The following PIK3C3 variants were observed in gnomAD, a reference collection of about 807,000 sequenced individuals.
PIK3C3 encodes phosphatidylinositol 3-kinase catalytic subunit type 3, also known as PI3-kinase type 3.
Under a neutral mutation model 126.1 loss-of-function variants are expected in PIK3C3, and 95 were observed. That is an observed-to-expected ratio of 0.75 (90% CI 0.64 to 0.89). PIK3C3 has a LOEUF of 0.89. PIK3C3 is among the 40% of genes least tolerant of loss of function. PIK3C3 has a pLI of 0.00. For synonymous variants in PIK3C3, 374 were observed against 360.0 expected (o/e 1.04, Z -0.44); for missense variants, 829 against 1,063.2 (o/e 0.78, Z 3.06).
At chr18:42,050,148 A>G (rs992552520) in intron 21 of PIK3C3, 1 of 152,290 alleles carries the variant, frequency 6.6e-6, no homozygotes, top group African/African-American at 2.4e-5. Flanking sequence ...GTACTGGAAA[A>G]TGCCTCTTTT....
At chr18:41,966,173 G>GT (rs956378292) in intron 3 of PIK3C3, among the ~76,000 whole-genome samples, 2 of 125,196 alleles carry the variant, frequency 1.6e-5, no homozygotes, top group African/African-American at 6.3e-5. Context: ...TAAGTATATT[G>GT]TTCCTTTTTT....
rs1483577287 is a variant in PIK3C3 at position 42,086,733 on chromosome 18, C to G, written c.*5596C>G. 6.6e-6 allele frequency: 1 copy of G among 152,186 alleles called. No homozygotes were observed. Among genetic ancestry groups the G allele is most frequent in the African/African-American group, 2.4e-5 (1 of 41,442 alleles). The allele number at this position is 152,186 out of a possible 1,614,324, so 9.4% of individuals were successfully genotyped here. A position where few individuals can be genotyped will look rare whatever the true frequency, so the allele number is the denominator to read the frequency against. ...TATATGGTCTAAAAAGGGGAGGAACCCTCAGTTCTGAGAATTTCCTTGAAA... is the reference window on the plus strand; with the variant it reads ...TATATGGTCTAAAAAGGGGAGGAACGCTCAGTTCTGAGAATTTCCTTGAAA... On this transcript the variant is annotated 3_prime_UTR_variant, in exon 25 of 25. Transcript: ENST00000262039.
chr18:42,074,948 G>A (rs888465293), intron 24 of PIK3C3, among the ~76,000 whole-genome samples: 21 of 152,100 alleles, frequency 1.4e-4, no homozygotes, highest in East Asian at 1.9e-4. Context: ...GTTGAAAGCC[G>A]TGTAGCCTTG....
chr18:42,037,726 C>A lies in PIK3C3; in HGVS notation c.1874C>A (p.Thr625Lys). ...ATGCCTGCACAGTTGTTTTTTAAGA[C>A]GGAAGATGGAGGCAAATATCCAGTT... ...ALMPAQLFFKTEDGGKYPVIF... is the reference protein window; with the variant it reads ...ALMPAQLFFKKEDGGKYPVIF... Residue 625 changes from threonine (T) to lysine (K), a missense_variant, in exon 17 of 25, where the codon ACG (threonine) becomes AAG (lysine). Transcript: ENST00000262039. 1 of 1,611,234 alleles carries A rather than the reference C, an allele frequency of 6.2e-7. No homozygotes were observed. The highest frequency in any genetic ancestry group is 8.5e-7 in the Non-Finnish European group (1 of 1,177,960).
chr18:41,974,782 A>T (rs1162279733), intron 4 of PIK3C3, among the ~76,000 whole-genome samples: 1 of 152,158 alleles, frequency 6.6e-6, no homozygotes, highest in Non-Finnish European at 1.5e-5. Flanking sequence ...TTGTCATATT[A>T]TAAGAGTTTT....
At chr18:42,021,361 C>T (rs552718430) in intron 13 of PIK3C3, among the ~76,000 whole-genome samples, 1 of 152,168 alleles carries the variant, frequency 6.6e-6, no homozygotes, top group Non-Finnish European at 1.5e-5. Flanking sequence ...TAATATGAAG[C>T]GTGGTGCCCT....
intron 9 of PIK3C3, among the ~76,000 whole-genome samples, chr18:42,003,387 T>G (rs544716688): frequency 6.6e-6 from 1 of 152,288 alleles, no homozygotes; most frequent in East Asian, 1.9e-4. Flanking sequence ...GTGTTGCCTT[T>G]GAGACCCAGC....
intron 13 of PIK3C3, among the ~76,000 whole-genome samples, chr18:42,021,689 C>G (rs184190440): frequency 8.5e-4 from 129 of 152,224 alleles, no homozygotes; most frequent in Admixed American, 2.2e-3. Flanking sequence ...TAGTAGATGT[C>G]CATTGTAAAA....
chr18:41,979,349 G>A (rs971925824), intron 4 of PIK3C3, among the ~76,000 whole-genome samples: 14 of 152,076 alleles, frequency 9.2e-5, no homozygotes, highest in African/African-American at 3.4e-4. Flanking sequence ...TTCGGAAATG[G>A]GCTTTTTAGA....
intron 22 of PIK3C3, among the ~76,000 whole-genome samples, chr18:42,058,352 C>G (rs1985166151): frequency 6.6e-6 from 1 of 152,132 alleles, no homozygotes; most frequent in Admixed American, 6.6e-5. Context: ...GTTGATGTCA[C>G]TTTAATAAAG....
intron 21 of PIK3C3, among the ~76,000 whole-genome samples, chr18:42,055,368 A>ATT (rs1217604472): frequency 6.6e-6 from 1 of 152,136 alleles, no homozygotes; most frequent in African/African-American, 2.4e-5. Context: ...AACCAAGTAT[A>ATT]TTGTAAGGGT....
At chr18:42,008,009 TTCTA>T (rs1187159127) in intron 10 of PIK3C3, among the ~76,000 whole-genome samples, 4 of 152,302 alleles carry the variant, frequency 2.6e-5, no homozygotes, top group African/African-American at 9.6e-5. Flanking sequence ...CAAGAATGGC[TTCTA>T]TATATTATCA....
chr18:42,054,439 T>C (rs905113178), intron 21 of PIK3C3, among the ~76,000 whole-genome samples: 3 of 151,602 alleles, frequency 2.0e-5, no homozygotes, highest in African/African-American at 7.3e-5. Context: ...TTTGTGCCCA[T>C]CTAGATTAAA....
chr18:42,051,698 A>G (rs1308087305), intron 21 of PIK3C3, among the ~76,000 whole-genome samples: 2 of 152,072 alleles, frequency 1.3e-5, no homozygotes, highest in Non-Finnish European at 2.9e-5. Flanking sequence ...ATAAAACATT[A>G]TGGTGTATTT....
chr18:41,968,001 G>A (rs985732974), intron 3 of PIK3C3, among the ~76,000 whole-genome samples: 1 of 152,190 alleles, frequency 6.6e-6, no homozygotes, highest in African/African-American at 2.4e-5. Context: ...GCCACCTGGA[G>A]GCTGTGTAAC....
intron 24 of PIK3C3, among the ~76,000 whole-genome samples, chr18:42,071,790 G>A (rs1293442490): frequency 6.9e-6 from 1 of 145,912 alleles, no homozygotes; most frequent in Non-Finnish European, 1.5e-5. Flanking sequence ...GACAGATTCA[G>A]TTCTTTTTTA....
intron 21 of PIK3C3, among the ~76,000 whole-genome samples, chr18:42,055,387 T>A (rs1985019279): frequency 6.6e-6 from 1 of 152,146 alleles, no homozygotes; most frequent in Admixed American, 6.6e-5. Flanking sequence ...GTTTAAGTAA[T>A]AAGTATTGGG....
chr18:42,049,974 AG>A lies in PIK3C3; in HGVS notation c.2263+370del, dbSNP rs368638649. ...GGCAACAAGATCAAAACGCCATCTT[AG>A]AAAAAAAAAAAAAAAAAGATGAGTT... On this transcript the variant is annotated intron_variant, in intron 21 of 24. Transcript: ENST00000262039. 1,067 of 139,148 alleles carry A rather than the reference AG, an allele frequency of 7.7e-3. 24 individuals are homozygous for A. The highest frequency in any genetic ancestry group is 0.023 in the African/African-American group (813 of 35,798). The allele number at this position is 139,148 out of a possible 1,614,324, so 8.6% of individuals were successfully genotyped here. A position where few individuals can be genotyped will look rare whatever the true frequency, so the allele number is the denominator to read the frequency against.
At chr18:42,002,928 T>G (rs1193559785) in intron 9 of PIK3C3, among the ~76,000 whole-genome samples, 1 of 152,108 alleles carries the variant, frequency 6.6e-6, no homozygotes, top group African/African-American at 2.4e-5. Context: ...GAGTAATGGC[T>G]CCAAGGGGAA....
Sources: allele counts gnomAD v4.1 joint callset (sites outside exome capture counted in the v4.1 genomes callset), GRCh38; gene constraint gnomAD v4.1.1; transcripts MANE v1.5; gene names NCBI Gene and HGNC (gene_info 2026-07-23, HGNC 2026-07-21).